The following NLGN4X variants were observed in gnomAD, a reference collection of about 807,000 sequenced individuals.
NLGN4X encodes neuroligin-4, X-linked.
Under a neutral mutation model 40.3 loss-of-function variants are expected in NLGN4X, and 3 were observed. The ratio of observed to expected loss-of-function variants is 0.07; its 90% CI spans 0.03 to 0.19. The LOEUF (loss-of-function observed/expected upper bound fraction) is 0.19, where lower values mean the gene tolerates loss of function less well. Among genes scored for constraint, NLGN4X ranks in the 10% least tolerant of loss-of-function variants. NLGN4X has a pLI of 1.00. For missense variants in NLGN4X, 382 were observed against 708.3 expected (o/e 0.54, Z 5.23); for synonymous variants, 270 against 306.8 (o/e 0.88, Z 1.25).
intron 2 of NLGN4X, among the ~76,000 whole-genome samples, chrX:6,043,994 G>A (rs763782764): frequency 9.0e-4 from 100 of 111,082 alleles, no homozygotes; most frequent in African/African-American, 3.1e-3. Context: ...GAGGCTGGGC[G>A]CAGTGGCTCA....
chrX:6,001,008 G>C (rs889086157), intron 3 of NLGN4X, among the ~76,000 whole-genome samples: 2 of 111,533 alleles, frequency 1.8e-5, no homozygotes, highest in African/African-American at 6.5e-5. Context: ...CAATCATGGC[G>C]GAAGGGGAAG....
At position 6,036,643 on chromosome X, in the gene NLGN4X, C is replaced by CACACACACAA. The variant is rs1177520572; in HGVS notation, c.473-7212_473-7211insTTGTGTGTGT. Among the ~76,000 whole-genome samples, 209 of 109,365 alleles carry CACACACACAA rather than the reference C, an allele frequency of 1.9e-3. 1 individual carries two copies. Among genetic ancestry groups the CACACACACAA allele is most frequent in the African/African-American group, 6.5e-3 (195 of 30,013 alleles). The allele number at this position is 109,365 out of a possible 115,157, so 95.0% of individuals were successfully genotyped here. On this transcript the variant is annotated intron_variant, in intron 2 of 5. Transcript: ENST00000381095. The stretch of plus-strand genomic sequence containing the variant: ...ACACACACACACACACACACACACA[C>CACACACACAA]AGCCCAAATAAAACCTAGGTAGGCT...
rs180731563 is a variant in NLGN4X at position 6,117,245 on chromosome X, C to T, written c.472+33750G>A. ...ATCTTTTCAGTTAATGCCTTGGACTCCTCAATTCCTGACTCTCAACCCTTC... is the reference window on the plus strand; with the variant it reads ...ATCTTTTCAGTTAATGCCTTGGACTTCTCAATTCCTGACTCTCAACCCTTC... On this transcript the variant is annotated intron_variant, in intron 2 of 5. Coordinates refer to ENST00000381095, the MANE Select transcript of NLGN4X (RefSeq NM_181332.3). 4.2e-3 allele frequency among the ~76,000 whole-genome samples: 465 copies of T among 110,768 alleles called. 7 individuals are homozygous for T. Among genetic ancestry groups the T allele is most frequent in the African/African-American group, 0.014 (420 of 30,293 alleles).
chrX:5,962,814 G>A (rs183425331), intron 3 of NLGN4X, among the ~76,000 whole-genome samples: 1 of 112,110 alleles, frequency 8.9e-6, no homozygotes, highest in East Asian at 2.8e-4. Context: ...ACAGGGAGAA[G>A]TCACTGTCTG....
At chrX:5,900,607 T>A in intron 5 of NLGN4X, among the ~76,000 whole-genome samples, 1 of 90,358 alleles carries the variant, frequency 1.1e-5, no homozygotes, top group Non-Finnish European at 2.1e-5. Context: ...AAGGTTTCGG[T>A]CTGTCACCCA....
chrX:6,182,581 G>A (rs1348679663), intron 1 of NLGN4X, among the ~76,000 whole-genome samples: 1 of 111,779 alleles, frequency 8.9e-6, no homozygotes, highest in Non-Finnish European at 1.9e-5. Context: ...ACCTTTCACG[G>A]CAAAGGGACT....
At chrX:6,108,161 A>G (rs984326259) in intron 2 of NLGN4X, among the ~76,000 whole-genome samples, 6 of 112,018 alleles carry the variant, frequency 5.4e-5, no homozygotes, top group Non-Finnish European at 7.5e-5. Context: ...TACTGCCAAC[A>G]AAATAAAGAC....
At chrX:6,226,746 C>G (rs1926385324) in intron 1 of NLGN4X, 1 of 119,387 alleles carries the variant, frequency 8.4e-6, no homozygotes, top group African/African-American at 3.2e-5. Flanking sequence ...CGACCGGCCT[C>G]TTGGAAAACC....
intron 1 of NLGN4X, among the ~76,000 whole-genome samples, chrX:6,161,327 A>T (rs188952244): frequency 1.5e-3 from 30 of 19,707 alleles, no homozygotes; most frequent in East Asian, 9.5e-3. Context: ...ATAGGATATA[A>T]AATATATTAT....
chrX:6,050,665 C>T (rs1207401045), intron 2 of NLGN4X, among the ~76,000 whole-genome samples: 1 of 111,274 alleles, frequency 9.0e-6, no homozygotes, highest in African/African-American at 3.3e-5. Flanking sequence ...TATCATCTAT[C>T]CACCTATTCA....
chrX:6,183,530 G>C (rs1025462029), intron 1 of NLGN4X, among the ~76,000 whole-genome samples: 3 of 108,035 alleles, frequency 2.8e-5, no homozygotes, highest in African/African-American at 1.0e-4. Context: ...CTGGACGAGA[G>C]AGCAAGACTC....
At chrX:5,907,072 C>T (rs1472765929) in intron 4 of NLGN4X, among the ~76,000 whole-genome samples, 1 of 108,020 alleles carries the variant, frequency 9.3e-6, no homozygotes, top group African/African-American at 3.4e-5. Flanking sequence ...CAGAGTGAGA[C>T]TCCCTGAAAA....
chrX:6,104,567 C>T (rs1488273396), intron 2 of NLGN4X, among the ~76,000 whole-genome samples: 1 of 110,494 alleles, frequency 9.1e-6, no homozygotes, highest in Non-Finnish European at 1.9e-5. Flanking sequence ...GAAATAGAAA[C>T]CAAGATGCAA....
At chrX:5,976,038 T>C (rs1298266681) in intron 3 of NLGN4X, among the ~76,000 whole-genome samples, 3 of 111,850 alleles carry the variant, frequency 2.7e-5, no homozygotes, top group African/African-American at 9.7e-5. Flanking sequence ...ATGTTTCTTT[T>C]GGGAAAATAT....
At chrX:6,217,331 C>T (rs1925171283) in intron 1 of NLGN4X, among the ~76,000 whole-genome samples, 1 of 111,680 alleles carries the variant, frequency 9.0e-6, no homozygotes, top group Admixed American at 9.5e-5. Context: ...TGCCTAAATA[C>T]ATTTGATTGT....
At chrX:5,947,613 A>T (rs941772579) in intron 3 of NLGN4X, among the ~76,000 whole-genome samples, 4 of 112,232 alleles carry the variant, frequency 3.6e-5, no homozygotes, top group Non-Finnish European at 7.5e-5. Flanking sequence ...AATCAAAAGT[A>T]GCTTCAAGTG....
chrX:6,218,001 T>G (rs1306333209), intron 1 of NLGN4X, among the ~76,000 whole-genome samples: 1 of 112,266 alleles, frequency 8.9e-6, no homozygotes, highest in Non-Finnish European at 1.9e-5. Flanking sequence ...TCATTGGTTC[T>G]GATGCACTAA....
At chrX:6,020,509 G>T (rs2036502993) in intron 3 of NLGN4X, among the ~76,000 whole-genome samples, 1 of 112,074 alleles carries the variant, frequency 8.9e-6, no homozygotes, top group Admixed American at 9.5e-5. Context: ...TCAGTTGGCA[G>T]GAAAAAGTTC....
chrX:6,187,485 G>C (rs1364506361), intron 1 of NLGN4X: 1 of 111,586 alleles, frequency 9.0e-6, no homozygotes, highest in Non-Finnish European at 1.9e-5. Context: ...TTCCGCACCC[G>C]ATGCCCTACG....
Sources: gnomAD v4.1 joint callset for allele counts (sites outside exome capture counted in the v4.1 genomes callset) on GRCh38, gnomAD v4.1.1 for gene constraint, MANE v1.5 for transcripts, NCBI Gene and HGNC (gene_info 2026-07-23, HGNC 2026-07-21) for gene names.